Variants in GABBR2 observed in about 807,000 individuals in gnomAD.
GABBR2 encodes gamma-aminobutyric acid type B receptor subunit 2, also known as G-protein coupled receptor 51.
In GABBR2, 23 loss-of-function variants were observed where a neutral mutation model predicts 105.6. The ratio of observed to expected loss-of-function variants is 0.22; its 90% CI spans 0.16 to 0.31. GABBR2 has a LOEUF of 0.31. Among genes scored for constraint, GABBR2 ranks in the 10% least tolerant of loss-of-function variants. The pLI is 1.00. For missense variants in GABBR2, 734 were observed against 1,245.5 expected (o/e 0.59, Z 6.18); for synonymous variants, 478 against 499.7 (o/e 0.96, Z 0.58).
chr9:98,525,256 T>G (rs1827935722), intron 3 of GABBR2, among the ~76,000 whole-genome samples: 1 of 152,228 alleles, frequency 6.6e-6, no homozygotes, highest in African/African-American at 2.4e-5. Flanking sequence ...GCAAGTCACC[T>G]ATCTGATATG....
At chr9:98,653,150 A>C (rs1293743477) in intron 1 of GABBR2, among the ~76,000 whole-genome samples, 1 of 152,156 alleles carries the variant, frequency 6.6e-6, no homozygotes, top group Admixed American at 6.5e-5. Flanking sequence ...GCATATGCCC[A>C]AGCCCAGCTA....
Position 98,638,437 on chromosome 9 carries a change from G to T in GABBR2, c.322-60365C>A, listed in dbSNP as rs144676642. Among the ~76,000 whole-genome samples, 1,025 of 152,310 alleles carry T rather than the reference G, an allele frequency of 6.7e-3. 15 individuals are homozygous for T. Among genetic ancestry groups the T allele is most frequent in the African/African-American group, 0.023 (963 of 41,580 alleles). On this transcript the variant is annotated intron_variant, in intron 1 of 18. Transcript: ENST00000259455. ...GAAGCAGAGATGGGGCTGGAACCCA[G>T]TGCCCAGGGCCTCTCTGTGGCAGGC...
chr9:98,388,994 T>G lies in GABBR2; in HGVS notation c.1389A>C (p.Pro463=). The change falls in exon 10 of 19, where the codon CCA becomes CCC. Residue 463 remains proline (P), a synonymous_variant. Transcript: ENST00000259455. The surrounding 1 kb of genome is among the most constrained non-coding windows in gnomAD (Gnocchi z 4.4). ...CCAGGATGATGGTCTTGTCTTTTGG[T>G]GGTTCGGATCCTAGAGGATCAAGAG... ...NDTIRFQGSE[P]PKDKTIILEQ... The G allele has an allele frequency of 1.2e-6, 2 of 1,613,114 alleles. No individual in the cohort carries two copies. Among genetic ancestry groups the G allele is most frequent in the Non-Finnish European group, 1.7e-6 (2 of 1,179,478 alleles).
intron 8 of GABBR2, among the ~76,000 whole-genome samples, chr9:98,405,192 A>G (rs528689305): frequency 5.3e-5 from 8 of 152,296 alleles, no homozygotes; most frequent in African/African-American, 1.4e-4. Flanking sequence ...GAAACTGCCT[A>G]TTGGGCACAT....
intron 7 of GABBR2, among the ~76,000 whole-genome samples, chr9:98,430,726 T>C (rs1825792954): frequency 6.6e-6 from 1 of 152,062 alleles, no homozygotes; most frequent in South Asian, 2.1e-4. Context: ...TTCTGCCTCC[T>C]TTGTCTCTGA....
chr9:98,446,433 T>G (rs1434165496), intron 7 of GABBR2, among the ~76,000 whole-genome samples: 1 of 152,226 alleles, frequency 6.6e-6, no homozygotes, highest in Non-Finnish European at 1.5e-5. Flanking sequence ...CTCTAAGAGA[T>G]ACATACACTG....
chr9:98,455,967 T>C (rs1189345877), intron 6 of GABBR2, among the ~76,000 whole-genome samples: 1 of 152,150 alleles, frequency 6.6e-6, no homozygotes, highest in African/African-American at 2.4e-5. Flanking sequence ...ATGCATCCTC[T>C]CTAGCTACCA....
intron 1 of GABBR2, among the ~76,000 whole-genome samples, chr9:98,685,782 T>A (rs548887038): frequency 4.6e-5 from 7 of 152,248 alleles, no homozygotes; most frequent in African/African-American, 1.7e-4. Flanking sequence ...ACTCTCAAAG[T>A]CCCAATCTCA....
intron 1 of GABBR2, among the ~76,000 whole-genome samples, chr9:98,671,555 A>C (rs1830407317): frequency 6.6e-6 from 1 of 152,170 alleles, no homozygotes; most frequent in African/African-American, 2.4e-5. Flanking sequence ...CTCTATGTTT[A>C]ATCATTTAAG....
At chr9:98,377,078 C>T (rs1831888008) in intron 11 of GABBR2, among the ~76,000 whole-genome samples, 1 of 152,238 alleles carries the variant, frequency 6.6e-6, no homozygotes, top group Non-Finnish European at 1.5e-5. Context: ...TGCACAACTG[C>T]CCTTGGCAGC....
chr9:98,342,427 G>A (rs35024375), intron 13 of GABBR2, among the ~76,000 whole-genome samples: 61 of 152,260 alleles, frequency 4.0e-4, no homozygotes, highest in African/African-American at 1.4e-3. Flanking sequence ...CCTGAGCTGA[G>A]CTAAGGAGTA....
intron 3 of GABBR2, among the ~76,000 whole-genome samples, chr9:98,504,409 C>T (rs1827464848): frequency 6.6e-6 from 1 of 152,182 alleles, no homozygotes; most frequent in African/African-American, 2.4e-5. Flanking sequence ...CAGTAGTTCC[C>T]CAGACAACTT....
chr9:98,464,664 T>G (rs1180875514), intron 6 of GABBR2, among the ~76,000 whole-genome samples: 3 of 151,506 alleles, frequency 2.0e-5, no homozygotes, highest in Non-Finnish European at 2.9e-5. Flanking sequence ...GATGGCAGTT[T>G]TGTCGAAAAG....
chr9:98,414,949 CAGA>C (rs1832661665), intron 7 of GABBR2, among the ~76,000 whole-genome samples: 1 of 152,106 alleles, frequency 6.6e-6, no homozygotes, highest in Non-Finnish European at 1.5e-5. Flanking sequence ...GGCTAACAAC[CAGA>C]AGGACCCACT....
At chr9:98,403,905 G>A (rs1332305570) in intron 8 of GABBR2, among the ~76,000 whole-genome samples, 2 of 152,006 alleles carry the variant, frequency 1.3e-5, no homozygotes, top group Non-Finnish European at 2.9e-5. Flanking sequence ...TCAGAGAGGC[G>A]AAGTCGCTTG....
chr9:98,589,782 A>G (rs1339070399), intron 1 of GABBR2, among the ~76,000 whole-genome samples: 1 of 147,998 alleles, frequency 6.8e-6, no homozygotes, highest in Non-Finnish European at 1.5e-5. Flanking sequence ...TGGTGCCATC[A>G]TGGCTCACAG....
intron 1 of GABBR2, among the ~76,000 whole-genome samples, chr9:98,673,855 A>C (rs1213126206): frequency 1.3e-5 from 2 of 152,186 alleles, no homozygotes; most frequent in African/African-American, 4.8e-5. Context: ...CTAACACTTC[A>C]GCTGCTGCCT....
chr9:98,427,136 G>A (rs1225548826), intron 7 of GABBR2, among the ~76,000 whole-genome samples: 2 of 152,206 alleles, frequency 1.3e-5, no homozygotes, highest in Non-Finnish European at 2.9e-5. Context: ...AAACCAGAAT[G>A]AAGGCTGTGA....
intron 12 of GABBR2, among the ~76,000 whole-genome samples, chr9:98,366,621 C>T (rs1263672782): frequency 6.6e-6 from 1 of 152,156 alleles, no homozygotes; most frequent in African/African-American, 2.4e-5. Context: ...TCAGACTGGC[C>T]TTCCACTAGG....
Sources: gnomAD v4.1 joint callset for allele counts (sites outside exome capture counted in the v4.1 genomes callset) on GRCh38, gnomAD v4.1.1 for gene constraint, Gnocchi (gnomAD v3.1) non-coding constraint, MANE v1.5 for transcripts, NCBI Gene and HGNC (gene_info 2026-07-23, HGNC 2026-07-21) for gene names.